FPGS: variants seen among roughly 807,000 people sequenced by gnomAD.
FPGS encodes the protein folylpolyglutamate synthase, mitochondrial.
In FPGS, 53 loss-of-function variants were observed where a neutral mutation model predicts 66.5. The ratio of observed to expected loss-of-function variants is 0.80; its 90% CI spans 0.64 to 1.00. FPGS has a LOEUF of 1.00. Ranked by LOEUF, FPGS falls within the 50% of genes least tolerant of loss-of-function variation. The pLI is 0.00. For synonymous variants in FPGS, 348 were observed against 350.9 expected, an observed-to-expected ratio of 0.99 and a Z score of 0.09; for missense variants, 702 against 807.7, an observed-to-expected ratio of 0.87 and a Z score of 1.59.
chr9:127,808,106 G>C, intron 8 of FPGS, 128 bp from the exon 9 acceptor site: 1 of 713,384 alleles, frequency 1.4e-6, no homozygotes, highest in Non-Finnish European at 2.4e-6. Flanking sequence ...ACTTCATCTC[G>C]AAAAAGAAAA....
chr9:127,803,184 C>T (rs1025799335), intron 1 of FPGS, 122 bp downstream of exon 1: 3 of 944,590 alleles, frequency 3.2e-6, no homozygotes, highest in East Asian at 9.8e-5. Context: ...CTGGGGGACT[C>T]GGGGGGCGGA....
rs1434803018 is a variant in FPGS at position 127,813,309 on chromosome 9, C to G, written c.1469C>G (p.Pro490Arg). 6.8e-6 allele frequency: 11 copies of G among 1,613,068 alleles called. No individual in the cohort carries two copies. Among genetic ancestry groups the G allele is most frequent in the African/African-American group, 2.7e-5 (2 of 74,928 alleles). The change falls in exon 15 of 15, where the codon CCC becomes CGC. Residue 490 changes from proline (P) to arginine (R), a missense_variant. Physicochemically the swap from Pro to Arg is moderately radical, Grantham distance 103. Around this residue, in one of 3 missense-constraint regions of FPGS, gnomAD observed 351 missense variants for 363.7 expected, o/e 0.97. Transcript: ENST00000373247. ...EQASPDLWSA[P>R]SPEPGGSASL... ...GCCAGCCCGGACCTCTGGAGTGCCC[C>G]CAGCCCAGAGCCCGGTGGGTCCGCA...
At chr9:127,808,046 C>T (rs941981498) in intron 8 of FPGS, 188 bp from the exon 9 acceptor site, 13 of 590,948 alleles carry the variant, frequency 2.2e-5, no homozygotes, top group Non-Finnish European at 3.3e-5. Flanking sequence ...GCAGACGTTG[C>T]AGTGAGCCGA....
At position 127,806,777 on chromosome 9, in the gene FPGS, C is replaced by T. The variant is rs1829827685; in HGVS notation, c.387-196C>T. The T allele has an allele frequency of 1.8e-5, 11 of 594,688 alleles. No homozygotes were observed. In the South Asian group the frequency reaches 2.2e-4, roughly 12 times the overall value. The allele number at this position is 594,688 out of a possible 1,614,324, so 36.8% of individuals were successfully genotyped here. A position where few individuals can be genotyped will look rare whatever the true frequency, so the allele number is the denominator to read the frequency against. On this transcript the variant is annotated intron_variant, in intron 4 of 14. Coordinates refer to ENST00000373247, the MANE Select transcript of FPGS (RefSeq NM_004957.6). The stretch of plus-strand genomic sequence containing the variant: ...GACCAACGTGGTGAATAGGGTGAGC[C>T]AGGTGCAGAGGCCTGGAGATAGAAG...
At position 127,807,534 on chromosome 9, in the gene FPGS, C is replaced by G; in HGVS notation, c.641+52C>G. 1 of 1,612,482 alleles carries G rather than the reference C, an allele frequency of 6.2e-7. No individual in the cohort carries two copies. Among genetic ancestry groups the G allele is most frequent in the South Asian group, 1.1e-5 (1 of 91,056 alleles). Reference sequence around the variant, plus strand: ...GTGGCAGCCAGGAGCACAGCCTCACCTGCCGCCTGGTGGCTCAGGGCAGGG... The same window carrying G: ...GTGGCAGCCAGGAGCACAGCCTCACGTGCCGCCTGGTGGCTCAGGGCAGGG... On this transcript the variant is annotated intron_variant, in intron 7 of 14. Transcript: ENST00000373247. This position sits in a 1 kb window ranked among gnomAD's most constrained non-coding sequence, Gnocchi z 5.8.
rs1468857865 is a variant in FPGS, at chr9:127,804,520, A to T, written c.289A>T (p.Asn97Tyr). The T allele has an allele frequency of 1.2e-6, 2 of 1,614,202 alleles. No homozygotes were observed. The highest frequency in any genetic ancestry group is 3.3e-5 in the Admixed American group (2 of 60,022). ...CCAGGTGGAGGACTTGGACCGGCTGAACATCATCCACGTCACTGGGACGAA... is the reference window on the plus strand; with the variant it reads ...CCAGGTGGAGGACTTGGACCGGCTGTACATCATCCACGTCACTGGGACGAA... ...GLQVEDLDRLNIIHVTGTKGK... is the reference protein window; with the variant it reads ...GLQVEDLDRLYIIHVTGTKGK... The change falls in exon 3 of 15, where the codon AAC becomes TAC. Residue 97 changes from asparagine (N) to tyrosine (Y), a missense_variant. Asn to Tyr is a moderately radical substitution (Grantham distance 143). This residue lies in a region of FPGS where 240 missense variants were observed against 348.6 expected (regional missense o/e 0.69). Transcript: ENST00000373247.
chr9:127,809,715 G>T lies in FPGS; in HGVS notation c.1092G>T (p.Thr364=). 3 of 1,589,398 alleles carry T rather than the reference G, an allele frequency of 1.9e-6. No homozygotes were observed. The highest frequency in any genetic ancestry group is 3.5e-4 in the Middle Eastern group (2 of 5,764). ...GLRNTEWPGR[T]QVLRRGPLTW... is the part of the protein sequence containing the mutation. ...GGAACACGGAGTGGCCGGGCCGGAC[G>T]CAGGTGCTGCGGCGCGGGCCCCTCA... Residue 364 remains threonine (T), a synonymous_variant, in exon 12 of 15, where the codon ACG becomes ACT. Transcript: ENST00000373247.
rs60899479 is a variant in FPGS at position 127,805,409 on chromosome 9, T to TAA, written c.386+720_386+721dup. 7.0e-5 allele frequency among the ~76,000 whole-genome samples: 10 copies of TAA among 143,772 alleles called. 1 individual carries two copies. The highest frequency in any genetic ancestry group is 2.5e-4 in the African/African-American group (10 of 39,270). 94.3% of individuals were successfully genotyped at this position (143,772 alleles called of 152,430 possible). The stretch of plus-strand genomic sequence containing the variant: ...TGGGCGACAGAGCAAACTGCTATCT[T>TAA]AAAAAAAAAAAAGAAAATTACATAG... On this transcript the variant is annotated intron_variant, in intron 4 of 14. Coordinates refer to ENST00000373247, the MANE Select transcript of FPGS (RefSeq NM_004957.6).
intron 14 of FPGS, among the ~76,000 whole-genome samples, chr9:127,811,903 T>G (rs982252895): frequency 6.6e-6 from 1 of 152,170 alleles, no homozygotes; most frequent in Non-Finnish European, 1.5e-5. Context: ...TGTATAAGTA[T>G]GTGAGTACTG....
intron 13 of FPGS, among the ~76,000 whole-genome samples, chr9:127,810,312 C>G (rs1167899421): frequency 6.6e-6 from 1 of 152,138 alleles, no homozygotes; most frequent in East Asian, 1.9e-4. Flanking sequence ...TGTCTAGACT[C>G]AAGTCCAGGC....
Position 127,803,000 on chromosome 9 carries a change from G to A in FPGS, c.76G>A (p.Val26Ile), listed in dbSNP as rs895525821. ...GTCTGCGCGCGGCATAACGACCCAG[G>A]TCGCGGCGCGGCGGGGCTTGAGCGC... Reference protein sequence around the residue: ...AASARGITTQVAARRGLSAWP... With the variant: ...AASARGITTQIAARRGLSAWP... The change falls in exon 1 of 15, where the codon GTC becomes ATC. Residue 26 changes from valine (V) to isoleucine (I), a missense_variant. By Grantham distance (29) the Val-to-Ile change is conservative. Around this residue, in one of 3 missense-constraint regions of FPGS, gnomAD observed 111 missense variants for 95.4 expected, o/e 1.16. Transcript: ENST00000373247. 6.8e-7 allele frequency: 1 copy of A among 1,466,580 alleles called. No homozygotes were observed. Among genetic ancestry groups the A allele is most frequent in the Non-Finnish European group, 8.9e-7 (1 of 1,117,954 alleles). The allele number at this position is 1,466,580 out of a possible 1,614,324, so 90.8% of individuals were successfully genotyped here.
In FPGS at chr9:127,803,081, G is replaced by A. The variant is rs1450572981; in HGVS notation, c.138+19G>A. ...GTACCAGGTATCAGGCGGGCCAGCG[G>A]GCCAGCGGGCCTGGGCGCGACGACA... On this transcript the variant is annotated intron_variant, in intron 1 of 14. Coordinates refer to ENST00000373247, the MANE Select transcript of FPGS (RefSeq NM_004957.6). The A allele has an allele frequency of 7.3e-7, 1 of 1,374,760 alleles. No individual in the cohort carries two copies. The highest frequency in any genetic ancestry group is 9.3e-7 in the Non-Finnish European group (1 of 1,070,216). 85.2% of individuals were successfully genotyped at this position (1,374,760 alleles called of 1,614,324 possible).
intron 4 of FPGS, 173 bp downstream of exon 4, chr9:127,804,873 G>T: frequency 3.2e-6 from 2 of 623,492 alleles, no homozygotes; most frequent in African/African-American, 1.9e-5. Flanking sequence ...ATTGGCCCAT[G>T]TTTATGGCAA....
At chr9:127,803,195 A>G (rs1829675026) in intron 1 of FPGS, 133 bp downstream of exon 1, 1 of 1,187,238 alleles carries the variant, frequency 8.4e-7, no homozygotes, top group African/African-American at 1.6e-5. Flanking sequence ...GGGGGGCGGA[A>G]CATCCTGGAG....
At chr9:127,809,875 G>A in intron 12 of FPGS, 41 bp downstream of exon 12, 2 of 1,311,518 alleles carry the variant, frequency 1.5e-6, no homozygotes, top group East Asian at 2.6e-5. Context: ...GCTGGCCCAC[G>A]AGGAGGGGCG....
chr9:127,804,081 C>T (rs540234120), intron 1 of FPGS, among the ~76,000 whole-genome samples: 1 of 152,214 alleles, frequency 6.6e-6, no homozygotes, highest in Non-Finnish European at 1.5e-5. Flanking sequence ...GGCTGAACTG[C>T]CCCAGACTCC....
intron 8 of FPGS, 26 bp from the exon 9 acceptor site, chr9:127,808,207 CT>C: frequency 6.3e-7 from 1 of 1,594,022 alleles, no homozygotes; most frequent in Non-Finnish European, 8.6e-7. Flanking sequence ...CTAGGTAGCC[CT>C]TTCTCTCTCC....
intron 14 of FPGS, among the ~76,000 whole-genome samples, chr9:127,812,180 T>C (rs914892925): frequency 6.6e-6 from 1 of 152,068 alleles, no homozygotes; most frequent in African/African-American, 2.4e-5. Flanking sequence ...GCCTGGAAGG[T>C]GGAGGCTGCA....
At chr9:127,804,890 ATTT>A (rs771028462) in intron 4 of FPGS, 190 bp downstream of exon 4, 232 of 482,596 alleles carry the variant, frequency 4.8e-4, no homozygotes, top group Middle Eastern at 1.1e-3. Context: ...GCAACCTTTA[ATTT>A]TTTTTTTTTT....
Sources: gnomAD v4.1 joint callset for allele counts (sites outside exome capture counted in the v4.1 genomes callset) on GRCh38, gnomAD v4.1.1 for gene constraint, gnomAD v4.1.1 regional missense constraint, Gnocchi (gnomAD v3.1) non-coding constraint, MANE v1.5 for transcripts, NCBI Gene and HGNC (gene_info 2026-07-23, HGNC 2026-07-21) for gene names.